The following EIF2B3 variants were observed in gnomAD, a reference collection of about 807,000 sequenced individuals.
EIF2B3 encodes translation initiation factor eIF2B subunit gamma.
EIF2B3 carries 20 observed loss-of-function variants against 54.1 expected under a neutral mutation model. The observed-to-expected ratio is 0.37, with a 90% CI of 0.26 to 0.54. EIF2B3 has a LOEUF of 0.54. EIF2B3 is among the 20% of genes least tolerant of loss of function. The probability of loss-of-function intolerance (pLI) is 0.86; values close to 1 mark genes in which losing one functional copy is unlikely to be tolerated. For missense variants in EIF2B3, 448 were observed against 547.8 expected (o/e 0.82, Z 1.82); for synonymous variants, 153 against 188.1 (o/e 0.81, Z 1.52).
chr1:44,857,795 T>C lies in EIF2B3; in HGVS notation c.1215A>G (p.Gln405=). Residue 405 remains glutamine, a synonymous_variant, in exon 11 of 12, where the codon CAA becomes CAG. Coordinates refer to ENST00000360403, the MANE Select transcript of EIF2B3 (RefSeq NM_020365.5). Reference sequence around the variant, plus strand: ...CAGCATTGTTGCAGATGACACTGCCTTGGATATTGCTTCTGTAACACAGTA... The same window carrying C: ...CAGCATTGTTGCAGATGACACTGCCCTGGATATTGCTTCTGTAACACAGTA... ...SVTVEEGSNI[Q]GSVICNNAVI... is the part of the protein sequence containing the mutation. 6.2e-7 allele frequency: 1 copy of C among 1,614,074 alleles called. No individual in the cohort carries two copies. Among genetic ancestry groups the C allele is most frequent in the South Asian group, 1.1e-5 (1 of 91,088 alleles).
intron 4 of EIF2B3, among the ~76,000 whole-genome samples, chr1:44,935,413 T>C (rs1643936601): frequency 6.6e-6 from 1 of 152,240 alleles, no homozygotes; most frequent in Non-Finnish European, 1.5e-5. Context: ...TATATATGCA[T>C]ATACGGTGTC....
intron 3 of EIF2B3, chr1:44,959,441 CTG>C (rs1644262054): frequency 2.3e-6 from 1 of 428,160 alleles, no homozygotes; most frequent in African/African-American, 2.0e-5. Flanking sequence ...ACTTAGGAGA[CTG>C]AGGCTGGGAG....
chr1:44,915,107 T>A (rs1643595071), intron 5 of EIF2B3, among the ~76,000 whole-genome samples: 1 of 151,676 alleles, frequency 6.6e-6, no homozygotes, highest in Non-Finnish European at 1.5e-5. Context: ...AAGACCAGCC[T>A]GGCCAACATG....
At chr1:44,868,385 GAGACTCCGTCTC>G (rs1194716681) in intron 10 of EIF2B3, among the ~76,000 whole-genome samples, 1 of 109,038 alleles carries the variant, frequency 9.2e-6, no homozygotes, top group Non-Finnish European at 1.7e-5. Context: ...GTGACAGAAT[GAGACTCCGTCTC>G]AAAAAAAAAA....
intron 3 of EIF2B3, among the ~76,000 whole-genome samples, chr1:44,957,808 A>C (rs1318655305): frequency 1.3e-5 from 2 of 152,196 alleles, no homozygotes; most frequent in African/African-American, 4.8e-5. Flanking sequence ...ACTCTGAGCT[A>C]CCATTTCTCA....
chr1:44,886,919 C>CTTGT (rs113891249), intron 6 of EIF2B3, among the ~76,000 whole-genome samples: 38,312 of 151,934 alleles, frequency 0.25, 5,941 homozygotes, highest in African/African-American at 0.45. Flanking sequence ...CTTAATTCAG[C>CTTGT]TTTTCTTTCT....
At chr1:44,851,075 T>G in intron 11 of EIF2B3, 72 bp from the exon 12 acceptor site, 1 of 1,514,188 alleles carries the variant, frequency 6.6e-7, no homozygotes. Flanking sequence ...ACTGCTTTTT[T>G]TTTTTGGAGA....
intron 8 of EIF2B3, among the ~76,000 whole-genome samples, chr1:44,875,934 G>A (rs1221226602): frequency 6.6e-6 from 1 of 152,228 alleles, no homozygotes; most frequent in African/African-American, 2.4e-5. Context: ...GCAGGCGCGC[G>A]CCGCCACGCC....
intron 3 of EIF2B3, among the ~76,000 whole-genome samples, chr1:44,965,114 G>A (rs1490267941): frequency 6.6e-6 from 1 of 152,106 alleles, no homozygotes; most frequent in African/African-American, 2.4e-5. Context: ...CTAGACATAG[G>A]ACAAAAATTT....
intron 3 of EIF2B3, among the ~76,000 whole-genome samples, chr1:44,952,120 G>A (rs1321270948): frequency 2.2e-5 from 3 of 137,200 alleles, no homozygotes; most frequent in African/African-American, 5.5e-5. Flanking sequence ...CCGCCACTAC[G>A]CCCGGCTAAT....
In EIF2B3 at chr1:44,925,934, G is replaced by C. The variant is rs551037191; in HGVS notation, c.566+694C>G. ...GCAAGACTCCCTCTCCAAAAAAAAAGGCCACTTAGAATGGGCCGCACGGTG... is the reference window on the plus strand; with the variant it reads ...GCAAGACTCCCTCTCCAAAAAAAAACGCCACTTAGAATGGGCCGCACGGTG... On this transcript the variant is annotated intron_variant, in intron 5 of 11. Transcript: ENST00000360403. Among the ~76,000 whole-genome samples the C allele has an allele frequency of 2.1e-5, 3 of 146,018 alleles. No homozygotes were observed. In the Admixed American group the frequency reaches 2.1e-4, roughly 10 times the overall value.
intron 6 of EIF2B3, among the ~76,000 whole-genome samples, chr1:44,890,845 C>A (rs1655773176): frequency 6.6e-6 from 1 of 152,090 alleles, no homozygotes; most frequent in Admixed American, 6.5e-5. Context: ...ATAAATGGCC[C>A]TTTCACAAAA....
chr1:44,912,297 A>C (rs1643532158), intron 5 of EIF2B3, among the ~76,000 whole-genome samples: 1 of 152,194 alleles, frequency 6.6e-6, no homozygotes, highest in African/African-American at 2.4e-5. Flanking sequence ...CTGTATTCCA[A>C]AGGACAGAAT....
chr1:44,878,350 C>T (rs1164453418), intron 8 of EIF2B3, among the ~76,000 whole-genome samples: 1 of 152,110 alleles, frequency 6.6e-6, no homozygotes, highest in African/African-American at 2.4e-5. Context: ...GCAACCTCCA[C>T]CTATCAGGTT....
intron 6 of EIF2B3, among the ~76,000 whole-genome samples, chr1:44,888,473 A>ATCTC (rs3044260): frequency 0.11 from 16,447 of 144,406 alleles, 996 homozygotes; most frequent in East Asian, 0.16. Context: ...TGGCTTCTCA[A>ATCTC]TCTCTCTCTC....
At position 44,910,631 on chromosome 1, in the gene EIF2B3, CTT is replaced by C. The variant is rs60757270; in HGVS notation, c.567-13189_567-13188del. Among the ~76,000 whole-genome samples, 42 of 61,400 alleles carry C rather than the reference CTT, an allele frequency of 6.8e-4. No individual in the cohort carries two copies. In the East Asian group the frequency reaches 7.1e-3, roughly 10 times the overall value. 40.3% of individuals were successfully genotyped at this position (61,400 alleles called of 152,430 possible). ...TCCCTCCCCACCCCCCCAAGTAATGCTTTTTTTTTTTTTTTTTTTTTTTTTTA... is the reference window on the plus strand; with the variant it reads ...TCCCTCCCCACCCCCCCAAGTAATGCTTTTTTTTTTTTTTTTTTTTTTTTA... On this transcript the variant is annotated intron_variant, in intron 5 of 11. Coordinates refer to ENST00000360403, the MANE Select transcript of EIF2B3 (RefSeq NM_020365.5).
At chr1:44,907,131 T>C (rs898165437) in intron 5 of EIF2B3, among the ~76,000 whole-genome samples, 4 of 152,226 alleles carry the variant, frequency 2.6e-5, no homozygotes, top group African/African-American at 4.8e-5. Context: ...CATTACTTCT[T>C]ACCTGGATTA....
intron 6 of EIF2B3, among the ~76,000 whole-genome samples, chr1:44,882,834 CA>C (rs1256866973): frequency 6.6e-6 from 1 of 151,558 alleles, no homozygotes; most frequent in Non-Finnish European, 1.5e-5. Flanking sequence ...AAGCTGGTCT[CA>C]AACTCCTGGC....
chr1:44,941,483 A>C (rs1557696243), intron 4 of EIF2B3, 23 bp downstream of exon 4: 1 of 1,588,138 alleles, frequency 6.3e-7, no homozygotes, highest in Middle Eastern at 1.7e-4. Context: ...TCAACAAACA[A>C]AACAAACTCC....
Sources: allele counts gnomAD v4.1 joint callset (sites outside exome capture counted in the v4.1 genomes callset), GRCh38; gene constraint gnomAD v4.1.1; transcripts MANE v1.5; gene names NCBI Gene and HGNC (gene_info 2026-07-23, HGNC 2026-07-21).